Variants in MYO1H observed in about 807,000 individuals in gnomAD.
The protein encoded by MYO1H is unconventional myosin-Ih.
MYO1H carries 118 observed loss-of-function variants against 149.3 expected under a neutral mutation model. The ratio of observed to expected loss-of-function variants is 0.79; its 90% CI spans 0.68 to 0.92. MYO1H has a LOEUF of 0.92. MYO1H is among the 40% of genes least tolerant of loss of function. MYO1H has a pLI of 0.00. For missense variants in MYO1H, 1,212 were observed against 1,280.7 expected, an observed-to-expected ratio of 0.95 and a Z score of 0.82; for synonymous variants, 447 against 465.2, an observed-to-expected ratio of 0.96 and a Z score of 0.50.
intron 15 of MYO1H, among the ~76,000 whole-genome samples, chr12:109,418,502 A>C (rs1871024997): frequency 6.6e-6 from 1 of 151,930 alleles, no homozygotes; most frequent in Non-Finnish European, 1.5e-5. Context: ...GATGTCCGCC[A>C]CCACGCCCAA....
chr12:109,427,914 A>ATG (rs1871443991), intron 19 of MYO1H, among the ~76,000 whole-genome samples: 1 of 62,624 alleles, frequency 1.6e-5, no homozygotes, highest in African/African-American at 6.2e-5. Context: ...AAAAAAATAT[A>ATG]TATATATATA....
chr12:109,444,316 CA>C, intron 29 of MYO1H, 33 bp downstream of exon 29: 1 of 1,599,680 alleles, frequency 6.3e-7, no homozygotes, highest in Non-Finnish European at 8.6e-7. Flanking sequence ...TACTAAAAGA[CA>C]GAAACAATAC....
At chr12:109,319,852 C>T in the MYO1H span, among the ~76,000 whole-genome samples, 74 of 152,236 alleles carry the variant, frequency 4.9e-4, no homozygotes, top group Middle Eastern at 0.027. Flanking sequence ...CCTTGGGGCT[C>T]AGGAGCAAAA....
intron 27 of MYO1H, 119 bp downstream of exon 27, chr12:109,442,391 G>A: frequency 1.3e-6 from 1 of 768,766 alleles, no homozygotes. Context: ...GGGCAGCTGG[G>A]GCTCTCAACT....
chr12:109,332,112 T>C, the MYO1H span, among the ~76,000 whole-genome samples: 2 of 152,180 alleles, frequency 1.3e-5, no homozygotes, highest in African/African-American at 4.8e-5. Context: ...TGTACTGGGA[T>C]TTGCTATCTA....
upstream of MYO1H, among the ~76,000 whole-genome samples, chr12:109,346,607 A>G (rs1442656277): frequency 6.6e-6 from 1 of 152,052 alleles, no homozygotes; most frequent in Admixed American, 6.6e-5. Context: ...CTAAAAATAC[A>G]AAAGTTAGCT....
chr12:109,448,035 A>G (rs1360370154), exon 32 of MYO1H: 2 of 152,228 alleles, frequency 1.3e-5, no homozygotes, highest in African/African-American at 2.4e-5. Flanking sequence ...GTATGCGGCC[A>G]CCACTGTGAC....
chr12:109,445,976 C>G, intron 31 of MYO1H: 1 of 985,402 alleles, frequency 1.0e-6, no homozygotes, highest in Non-Finnish European at 1.2e-6. Context: ...GCTTGTGTCC[C>G]ACCCAGATAC....
intron 25 of MYO1H, 32 bp downstream of exon 25, chr12:109,440,859 TG>T: frequency 1.8e-6 from 2 of 1,135,602 alleles, no homozygotes; most frequent in South Asian, 1.3e-5. Context: ...TGGCCGGTGG[TG>T]GGGGTGGGTG....
chr12:109,318,349 G>A, the MYO1H span, among the ~76,000 whole-genome samples: 1 of 152,050 alleles, frequency 6.6e-6, no homozygotes, highest in Non-Finnish European at 1.5e-5. Flanking sequence ...TCCCCTAGGA[G>A]GTAGAGGCTA....
At chr12:109,443,444 C>T (rs979331344) in intron 27 of MYO1H, 70 bp from the exon 28 acceptor site, 20 of 1,558,242 alleles carry the variant, frequency 1.3e-5, no homozygotes, top group African/African-American at 2.7e-5. Flanking sequence ...ATCACTTTAC[C>T]GGTGTCTGAG....
At chr12:109,402,627 A>T (rs1870214607) in intron 6 of MYO1H, among the ~76,000 whole-genome samples, 1 of 152,228 alleles carries the variant, frequency 6.6e-6, no homozygotes, top group Non-Finnish European at 1.5e-5. Flanking sequence ...AATAGAAATA[A>T]GAAAAATGAA....
chr12:109,386,995 C>CGTGTGT (rs55675476), intron 1 of MYO1H, among the ~76,000 whole-genome samples: 3,672 of 141,108 alleles, frequency 0.026, 90 homozygotes, highest in Middle Eastern at 0.051. Flanking sequence ...ATCTCAAGTT[C>CGTGTGT]GTGTGTGTGT....
intron 17 of MYO1H, among the ~76,000 whole-genome samples, chr12:109,425,598 C>G (rs1871324139): frequency 6.6e-6 from 1 of 152,178 alleles, no homozygotes; most frequent in Non-Finnish European, 1.5e-5. Context: ...ATACCAGCAT[C>G]ATGAAGGACA....
At chr12:109,409,811 A>C (rs987412913) in intron 11 of MYO1H, among the ~76,000 whole-genome samples, 152 bp from the exon 12 acceptor site, 1 of 152,220 alleles carries the variant, frequency 6.6e-6, no homozygotes, top group African/African-American at 2.4e-5. Flanking sequence ...ATATATTTTC[A>C]CTTGACTCTT....
intron 25 of MYO1H, among the ~76,000 whole-genome samples, chr12:109,441,086 A>G (rs1377496138): frequency 6.6e-6 from 1 of 152,234 alleles, no homozygotes; most frequent in Admixed American, 6.5e-5. Context: ...ACCGGAGCAG[A>G]GAATGTAGAC....
intron 8 of MYO1H, 43 bp from the exon 9 acceptor site, chr12:109,406,746 A>G (rs377001544): frequency 2.2e-4 from 350 of 1,583,116 alleles, no homozygotes; most frequent in Non-Finnish European, 2.8e-4. Flanking sequence ...AAGCAAGTAA[A>G]ACTGCGTCAC....
In MYO1H at chr12:109,445,430, A is replaced by G. The variant is rs557717591; in HGVS notation, c.2994-83A>G. ...TTTGATCTTGAAACTAGTAGAATTT[A>G]ATAAGTGAATTTCTTCTGTAGACCA... On this transcript the variant is annotated intron_variant, in intron 30 of 31. Transcript: ENST00000310903. 2.9e-5 allele frequency: 29 copies of G among 998,722 alleles called. No individual in the cohort carries two copies. In the African/African-American group the frequency reaches 4.6e-4, roughly 16 times the overall value. The allele number at this position is 998,722 out of a possible 1,614,324, so 61.9% of individuals were successfully genotyped here.
chr12:109,335,647 A>G, the MYO1H span, among the ~76,000 whole-genome samples: 1 of 152,190 alleles, frequency 6.6e-6, no homozygotes. Context: ...TGCATTAAAT[A>G]TATGTAAAAT....
Sources: allele counts gnomAD v4.1 joint callset (sites outside exome capture counted in the v4.1 genomes callset), GRCh38; gene constraint gnomAD v4.1.1; transcripts MANE v1.5; gene names NCBI Gene and HGNC (gene_info 2026-07-23, HGNC 2026-07-21).